AMZ2: variants seen among roughly 807,000 people sequenced by gnomAD.
AMZ2 encodes the protein archaemetzincin-2.
AMZ2 carries 26 observed loss-of-function variants against 36.7 expected under a neutral mutation model. The ratio of observed to expected loss-of-function variants is 0.71; its 90% CI spans 0.52 to 0.98. The LOEUF is 0.98. AMZ2 is among the 50% of genes least tolerant of loss of function. The probability of loss-of-function intolerance (pLI) is 0.00; values close to 1 mark genes in which losing one functional copy is unlikely to be tolerated. For missense variants in AMZ2, 394 were observed against 430.5 expected (o/e 0.92, Z 0.75); for synonymous variants, 144 against 149.1 (o/e 0.97, Z 0.25).
At chr17:68,251,721 C>T (rs1370740059) in intron 4 of AMZ2, among the ~76,000 whole-genome samples, 2 of 152,054 alleles carry the variant, frequency 1.3e-5, no homozygotes, top group African/African-American at 4.8e-5. Flanking sequence ...AGCATAACAG[C>T]TAGTAAATGT....
intron 1 of AMZ2, among the ~76,000 whole-genome samples, chr17:68,209,602 GTGTATATGTATATATATA>G: frequency 8.3e-6 from 1 of 121,070 alleles, no homozygotes. Context: ...GTGTGTGTGT[GTGTATATGTATATATATA>G]TATATATATA....
rs2074150101 is a variant in AMZ2, at chr17:68,248,222, G to A, written c.-484G>A. 1 of 986,004 alleles carries A rather than the reference G, an allele frequency of 1.0e-6. No homozygotes were observed. The highest frequency in any genetic ancestry group is 1.7e-5 in the African/African-American group (1 of 57,264). The allele number at this position is 986,004 out of a possible 1,614,324, so 61.1% of individuals were successfully genotyped here. A position where few individuals can be genotyped will look rare whatever the true frequency, so the allele number is the denominator to read the frequency against. ...TCGGTGGAGCGGGATGAGGATGTAGGAGGGGCGGACGTGGCGGAAGCCGCG... is the reference window on the plus strand; with the variant it reads ...TCGGTGGAGCGGGATGAGGATGTAGAAGGGGCGGACGTGGCGGAAGCCGCG... On this transcript the variant is annotated 5_prime_UTR_variant, in exon 1 of 7. Coordinates refer to ENST00000359904, the MANE Select transcript of AMZ2 (RefSeq NM_016627.5).
chr17:68,246,572 T>C (rs1426323092), upstream of AMZ2: 1 of 152,140 alleles, frequency 6.6e-6, no homozygotes, highest in Non-Finnish European at 1.5e-5. Context: ...TTCTCAAGCA[T>C]TGAAGCAGGA....
rs1272555194 is a variant in AMZ2 at position 68,231,472 on chromosome 17, G to A, written c.-66-17168G>A. On this transcript the variant is annotated intron_variant, in intron 1 of 7. Coordinates refer to the AMZ2 transcript ENST00000674770. ...AAATTGTGGCTTCTTGTATCCTAAAGGTCAAAAAAGAAGTCCTGCTTCAAC... is the reference window on the plus strand; with the variant it reads ...AAATTGTGGCTTCTTGTATCCTAAAAGTCAAAAAAGAAGTCCTGCTTCAAC... 2.7e-5 allele frequency among the ~76,000 whole-genome samples: 2 copies of A among 74,976 alleles called. 1 individual carries two copies. The highest frequency in any genetic ancestry group is 4.9e-5 in the Non-Finnish European group (2 of 41,042). The allele number at this position is 74,976 out of a possible 152,430, so 49.2% of individuals were successfully genotyped here. A position where few individuals can be genotyped will look rare whatever the true frequency, so the allele number is the denominator to read the frequency against.
intron 1 of AMZ2, among the ~76,000 whole-genome samples, chr17:68,221,315 T>C (rs1178263768): frequency 1.3e-5 from 2 of 149,842 alleles, no homozygotes; most frequent in Non-Finnish European, 3.0e-5. Flanking sequence ...TTGCCCAGGC[T>C]GGCAGGGATA....
rs150257013 is a variant in AMZ2 at position 68,213,567 on chromosome 17, G to A, written c.-67+7329G>A. The stretch of plus-strand genomic sequence containing the variant: ...TGATTCTTTGTGGCTGGAAGCTTAC[G>A]GAATCTTCGCTGTCTATGGTGTTCT... On this transcript the variant is annotated intron_variant, in intron 1 of 7. Transcript: ENST00000674770. 2.5e-3 allele frequency among the ~76,000 whole-genome samples: 375 copies of A among 152,304 alleles called. 4 individuals carry two copies. Among genetic ancestry groups the A allele is most frequent in the Middle Eastern group, 0.014 (4 of 294 alleles).
rs1197715366 is a variant in AMZ2 at position 68,207,320 on chromosome 17, C to G, written c.-67+1082C>G. 49 of 140,846 alleles carry G rather than the reference C, an allele frequency of 3.5e-4. 1 individual carries two copies. Among genetic ancestry groups the G allele is most frequent in the African/African-American group, 1.3e-3 (48 of 37,072 alleles). 8.7% of individuals were successfully genotyped at this position (140,846 alleles called of 1,614,324 possible). ...AGATGCATTTTGTTAAATACCCCCC[C>G]CCCACAAAGGCTGCTTTGTATTAAA... On this transcript the variant is annotated intron_variant, in intron 1 of 7. Coordinates refer to the AMZ2 transcript ENST00000674770.
Position 68,248,132 on chromosome 17 carries a change from T to C in AMZ2, c.-574T>C. 1 of 986,386 alleles carries C rather than the reference T, an allele frequency of 1.0e-6. No homozygotes were observed. Among genetic ancestry groups the C allele is most frequent in the Non-Finnish European group, 1.2e-6 (1 of 830,668 alleles). 61.1% of individuals were successfully genotyped at this position (986,386 alleles called of 1,614,324 possible). A position where few individuals can be genotyped will look rare whatever the true frequency, so the allele number is the denominator to read the frequency against. On this transcript the variant is annotated 5_prime_UTR_variant, in exon 1 of 7. Coordinates refer to ENST00000359904, the MANE Select transcript of AMZ2 (RefSeq NM_016627.5). ...TCGGGTCAGGGCGGTTCGCGGGTGC[T>C]GTCAGAGCTGGGCCGGGGCCCCTAG...
chr17:68,256,686 A>C, intron 6 of AMZ2, 128 bp from the exon 7 acceptor site: 1 of 876,314 alleles, frequency 1.1e-6, no homozygotes, highest in Non-Finnish European at 1.7e-6. Flanking sequence ...TATTCACACC[A>C]TCATTATCAA....
intron 1 of AMZ2, chr17:68,207,323 C>CCCA (rs1555724631): frequency 2.1e-5 from 3 of 143,910 alleles, no homozygotes; most frequent in African/African-American, 7.7e-5. Flanking sequence ...ACCCCCCCCC[C>CCCA]ACAAAGGCTG....
chr17:68,231,368 G>C (rs1305892816), intron 1 of AMZ2, among the ~76,000 whole-genome samples: 2 of 151,776 alleles, frequency 1.3e-5, no homozygotes, highest in South Asian at 4.2e-4. Context: ...ACTGTGCCCA[G>C]GGGCTTGTGT....
At chr17:68,211,848 ATATATG>A (rs1175283660) in intron 1 of AMZ2, among the ~76,000 whole-genome samples, 2 of 146,320 alleles carry the variant, frequency 1.4e-5, no homozygotes, top group African/African-American at 2.5e-5. Flanking sequence ...GTACATGTAT[ATATATG>A]TATATGTATA....
At chr17:68,219,281 A>G (rs1280846553) in intron 1 of AMZ2, among the ~76,000 whole-genome samples, 2 of 152,038 alleles carry the variant, frequency 1.3e-5, no homozygotes, top group African/African-American at 2.4e-5. Context: ...GCCTTTTTCT[A>G]ACCGGCCTTC....
At chr17:68,254,262 A>G in intron 4 of AMZ2, 142 bp from the exon 5 acceptor site, 1 of 694,404 alleles carries the variant, frequency 1.4e-6, no homozygotes. Context: ...TTTTGGTGGC[A>G]AACCATAAGT....
intron 1 of AMZ2, among the ~76,000 whole-genome samples, chr17:68,216,644 G>C (rs16972823): frequency 0.019 from 2,848 of 152,242 alleles, 87 homozygotes; most frequent in African/African-American, 0.065. Flanking sequence ...TGAGAAATCT[G>C]CAACTTGCAT....
intron 1 of AMZ2, among the ~76,000 whole-genome samples, chr17:68,238,045 A>G (rs1269620399): frequency 2.0e-5 from 3 of 152,138 alleles, no homozygotes; most frequent in Admixed American, 6.5e-5. Flanking sequence ...AGTCTGAAAA[A>G]GGCGAAATTG....
At position 68,238,543 on chromosome 17, in the gene AMZ2, T is replaced by G. The variant is rs558195192; in HGVS notation, c.-66-10097T>G. Among the ~76,000 whole-genome samples, 94 of 122,190 alleles carry G rather than the reference T, an allele frequency of 7.7e-4. 1 individual carries two copies. The highest frequency in any genetic ancestry group is 4.3e-3 in the East Asian group (14 of 3,290). The allele number at this position is 122,190 out of a possible 152,430, so 80.2% of individuals were successfully genotyped here. A position where few individuals can be genotyped will look rare whatever the true frequency, so the allele number is the denominator to read the frequency against. Reference sequence around the variant, plus strand: ...TGTATTTATATGCCATATGTATATATATATAGAGAGAAAGAGTGCATATAG... The same window carrying G: ...TGTATTTATATGCCATATGTATATAGATATAGAGAGAAAGAGTGCATATAG... On this transcript the variant is annotated intron_variant, in intron 1 of 7. Transcript: ENST00000674770.
At chr17:68,217,023 A>C (rs2073215043) in intron 1 of AMZ2, among the ~76,000 whole-genome samples, 1 of 139,686 alleles carries the variant, frequency 7.2e-6, no homozygotes, top group African/African-American at 2.9e-5. Context: ...ACAGAGCGAG[A>C]CTCCGTCTCA....
upstream of AMZ2, among the ~76,000 whole-genome samples, chr17:68,243,536 T>C (rs1421331024): frequency 2.6e-5 from 4 of 152,360 alleles, no homozygotes; most frequent in South Asian, 8.3e-4. Context: ...CTCCAATAGC[T>C]GGATACTTTG....
Sources: allele counts gnomAD v4.1 joint callset (sites outside exome capture counted in the v4.1 genomes callset), GRCh38; gene constraint gnomAD v4.1.1; transcripts MANE v1.5; gene names NCBI Gene and HGNC (gene_info 2026-07-23, HGNC 2026-07-21).